Variants in CCDC66 observed in about 807,000 individuals in gnomAD.
CCDC66 encodes the protein coiled-coil domain-containing protein 66.
CCDC66 carries 133 observed loss-of-function variants against 128.3 expected under a neutral mutation model. That is an observed-to-expected ratio of 1.04 (90% CI 0.90 to 1.20). The LOEUF (loss-of-function observed/expected upper bound fraction) is 1.20, where lower values mean the gene tolerates loss of function less well. CCDC66 is among the 50% of genes most tolerant of loss of function. The pLI is 0.00. For synonymous variants in CCDC66, 387 were observed against 357.0 expected, an observed-to-expected ratio of 1.08 and a Z score of -0.95; for missense variants, 1,126 against 1,075.5, an observed-to-expected ratio of 1.05 and a Z score of -0.66.
intron 6 of CCDC66, among the ~76,000 whole-genome samples, chr3:56,568,170 A>C (rs898564866): frequency 7.2e-5 from 11 of 152,136 alleles, no homozygotes; most frequent in Non-Finnish European, 1.6e-4. Flanking sequence ...TACAGATGCA[A>C]ATCTTCCCCA....
intron 6 of CCDC66, among the ~76,000 whole-genome samples, chr3:56,570,979 A>G (rs943427203): frequency 2.0e-5 from 3 of 152,234 alleles, no homozygotes; most frequent in Non-Finnish European, 4.4e-5. Flanking sequence ...AAATTGTACC[A>G]TACTTAACTT....
rs554693135 is a variant in CCDC66 at position 56,597,099 on chromosome 3, A to G, written c.1404+3071A>G. On this transcript the variant is annotated intron_variant, in intron 10 of 17. Coordinates refer to ENST00000394672, the MANE Select transcript of CCDC66 (RefSeq NM_001141947.3). The stretch of plus-strand genomic sequence containing the variant: ...GAATATGGTGAGAGATGGGGCTCCA[A>G]TTTCATTCCTCTGCATATAGATATC... Among the ~76,000 whole-genome samples the G allele has an allele frequency of 4.4e-4, 67 of 151,838 alleles. 1 individual carries two copies. The highest frequency in any genetic ancestry group is 1.5e-3 in the African/African-American group (62 of 41,296).
intron 10 of CCDC66, among the ~76,000 whole-genome samples, chr3:56,594,360 A>G (rs1031803780): frequency 1.3e-5 from 2 of 151,814 alleles, no homozygotes; most frequent in African/African-American, 4.8e-5. Context: ...CATTCTTTGA[A>G]TAGGGATTGA....
chr3:56,599,468 TTTAGGTACATCA>T (rs1170185674), intron 10 of CCDC66, among the ~76,000 whole-genome samples: 1 of 152,072 alleles, frequency 6.6e-6, no homozygotes, highest in East Asian at 1.9e-4. Context: ...TCTAGTTCCT[TTTAGGTACATCA>T]TTAGATTGCT....
chr3:56,595,951 G>C (rs902787676), intron 10 of CCDC66, among the ~76,000 whole-genome samples: 1 of 152,172 alleles, frequency 6.6e-6, no homozygotes, highest in African/African-American at 2.4e-5. Context: ...GTCTTGCTCT[G>C]CTGCGCAGTC....
chr3:56,582,922 G>T (rs867344223), intron 7 of CCDC66, among the ~76,000 whole-genome samples: 1 of 148,122 alleles, frequency 6.8e-6, no homozygotes, highest in Non-Finnish European at 1.5e-5. Context: ...TGTCACCCAG[G>T]CTAGAATGCA....
intron 7 of CCDC66, among the ~76,000 whole-genome samples, chr3:56,583,277 C>T (rs951176631): frequency 6.6e-6 from 1 of 151,896 alleles, no homozygotes; most frequent in African/African-American, 2.4e-5. Flanking sequence ...AAGAGCCCCT[C>T]GTATGGCATA....
intron 17 of CCDC66, 26 bp downstream of exon 17, chr3:56,619,927 T>C (rs1391504091): frequency 2.5e-6 from 4 of 1,606,894 alleles, no homozygotes; most frequent in African/African-American, 1.3e-5. Context: ...AGTGTAGATA[T>C]GTCTGTTCTT....
chr3:56,592,886 A>G (rs2071177142), intron 7 of CCDC66, 84 bp from the exon 8 acceptor site: 1 of 1,422,452 alleles, frequency 7.0e-7, no homozygotes, highest in Non-Finnish European at 9.6e-7. Flanking sequence ...TTAAATCTGT[A>G]TGTTACTTTG....
intron 3 of CCDC66, chr3:56,563,434 T>C (rs745671960): frequency 1.8e-5 from 7 of 386,720 alleles, no homozygotes; most frequent in Non-Finnish European, 3.2e-5. Flanking sequence ...TATAATCTAA[T>C]GACATAAGAT....
chr3:56,580,929 G>A (rs569607973), intron 7 of CCDC66, among the ~76,000 whole-genome samples: 1 of 151,744 alleles, frequency 6.6e-6, no homozygotes, highest in Non-Finnish European at 1.5e-5. Flanking sequence ...GGTGTTCTCT[G>A]TATTTCCTGA....
At chr3:56,616,968 TG>T in intron 13 of CCDC66, 143 bp from the exon 14 acceptor site, 2 of 558,744 alleles carry the variant, frequency 3.6e-6, no homozygotes, top group South Asian at 3.8e-5. Flanking sequence ...TGTTCTTTAA[TG>T]AGTATAGAGG....
chr3:56,597,777 G>GTTT lies in CCDC66; in HGVS notation c.1404+3762_1404+3764dup, dbSNP rs3064563. Among the ~76,000 whole-genome samples, 77 of 87,964 alleles carry GTTT rather than the reference G, an allele frequency of 8.8e-4. 8 individuals carry two copies. The highest frequency in any genetic ancestry group is 1.2e-3 in the South Asian group (2 of 1,614). The allele number at this position is 87,964 out of a possible 152,430, so 57.7% of individuals were successfully genotyped here. ...TGTGGAGTCTAGGTTTTGTTTTGGG[G>GTTT]TTTTTTTTTTTTTTTGAGACAGAGC... On this transcript the variant is annotated intron_variant, in intron 10 of 17. Transcript: ENST00000394672.
intron 3 of CCDC66, among the ~76,000 whole-genome samples, chr3:56,561,607 T>G (rs1223505398): frequency 1.3e-5 from 2 of 152,256 alleles, no homozygotes; most frequent in African/African-American, 4.8e-5. Context: ...GTTTCCCTTC[T>G]GTATTGATTG....
intron 7 of CCDC66, among the ~76,000 whole-genome samples, chr3:56,592,525 A>T (rs1294953253): frequency 2.8e-5 from 4 of 142,116 alleles, no homozygotes; most frequent in Non-Finnish European, 4.6e-5. Flanking sequence ...CAGCTGGCTA[A>T]TTTTTTTTTT....
chr3:56,568,111 A>C (rs1352202646), intron 6 of CCDC66, among the ~76,000 whole-genome samples: 2 of 152,216 alleles, frequency 1.3e-5, no homozygotes, highest in African/African-American at 4.8e-5. Flanking sequence ...AGATCTGGAC[A>C]GGGGAGAATC....
chr3:56,562,190 G>A (rs1340402497), intron 3 of CCDC66, among the ~76,000 whole-genome samples: 1 of 151,808 alleles, frequency 6.6e-6, no homozygotes, highest in Admixed American at 6.6e-5. Context: ...ACAGGCGCGT[G>A]CCCACACCAC....
intron 7 of CCDC66, among the ~76,000 whole-genome samples, chr3:56,584,176 G>T (rs185863201): frequency 1.4e-5 from 2 of 145,104 alleles, no homozygotes; most frequent in Non-Finnish European, 1.5e-5. Context: ...CCTCCCGGGC[G>T]GGGCGGCTGC....
intron 10 of CCDC66, among the ~76,000 whole-genome samples, chr3:56,598,142 T>A (rs1322567872): frequency 2.6e-5 from 1 of 37,880 alleles, no homozygotes; most frequent in Non-Finnish European, 9.3e-5. Flanking sequence ...TTAGTTTGTT[T>A]TGTTTTGTTT....
Sources: allele counts gnomAD v4.1 joint callset (sites outside exome capture counted in the v4.1 genomes callset), GRCh38; gene constraint gnomAD v4.1.1; transcripts MANE v1.5; gene names NCBI Gene and HGNC (gene_info 2026-07-23, HGNC 2026-07-21).